The following TBC1D1 variants were observed in gnomAD, a reference collection of about 807,000 sequenced individuals.
TBC1D1 encodes TBC1 domain family member 1, also known as TBC1 (tre-2/USP6, BUB2, cdc16) domain family, member 1.
In TBC1D1, 89 loss-of-function variants were observed where a neutral mutation model predicts 125.6. That is an observed-to-expected ratio of 0.71 (90% CI 0.60 to 0.85). The LOEUF is 0.85. Among genes scored for constraint, TBC1D1 ranks in the 40% least tolerant of loss-of-function variants. The pLI is 0.00. For missense variants in TBC1D1, 1,377 were observed against 1,469.2 expected, an observed-to-expected ratio of 0.94 and a Z score of 1.03; for synonymous variants, 565 against 564.1, an observed-to-expected ratio of 1.00 and a Z score of -0.02.
rs1728909411 is a variant in TBC1D1, at chr4:37,956,228, AG to A, written c.417+53718del. ...AGCGGGGGTTCTCCCTGTGTTGCCCAGGCTGGTCTCGAACTCCTGGACTTCA... is the reference window on the plus strand; with the variant it reads ...AGCGGGGGTTCTCCCTGTGTTGCCCAGCTGGTCTCGAACTCCTGGACTTCA... On this transcript the variant is annotated intron_variant, in intron 2 of 19. Transcript: ENST00000261439. Among the ~76,000 whole-genome samples, 4 of 152,136 alleles carry A rather than the reference AG, an allele frequency of 2.6e-5. No homozygotes were observed. The South Asian group carries it at 8.3e-4, about 32-fold the overall frequency.
intron 15 of TBC1D1, among the ~76,000 whole-genome samples, chr4:38,114,338 A>G (rs769487679): frequency 6.6e-6 from 1 of 152,216 alleles, no homozygotes; most frequent in Non-Finnish European, 1.5e-5. Flanking sequence ...AGAAATCAGG[A>G]CAGTGGTTAG....
At chr4:37,974,706 T>C (rs993432077) in intron 2 of TBC1D1, among the ~76,000 whole-genome samples, 1 of 152,098 alleles carries the variant, frequency 6.6e-6, no homozygotes, top group East Asian at 1.9e-4. Context: ...TACAGGCGCA[T>C]GCCATCACGC....
At chr4:37,972,179 A>G (rs1427869332) in intron 2 of TBC1D1, among the ~76,000 whole-genome samples, 1 of 152,090 alleles carries the variant, frequency 6.6e-6, no homozygotes, top group African/African-American at 2.4e-5. Context: ...CACCTTGGAG[A>G]TGTTAAAAAT....
At chr4:38,037,671 A>C (rs1053005706) in intron 8 of TBC1D1, among the ~76,000 whole-genome samples, 1 of 152,250 alleles carries the variant, frequency 6.6e-6, no homozygotes, top group Non-Finnish European at 1.5e-5. Flanking sequence ...TGGTAGGATC[A>C]TGGCTTTGAC....
intron 1 of TBC1D1, among the ~76,000 whole-genome samples, chr4:37,896,298 A>G (rs1453842459): frequency 1.3e-5 from 2 of 152,124 alleles, no homozygotes; most frequent in African/African-American, 4.8e-5. Flanking sequence ...TAAAGTCCCC[A>G]TCCTGCTCTC....
intron 14 of TBC1D1, among the ~76,000 whole-genome samples, chr4:38,102,218 A>G (rs762503521): frequency 1.3e-4 from 20 of 151,324 alleles, no homozygotes; most frequent in Non-Finnish European, 2.1e-4. Flanking sequence ...CGTTGTGCAC[A>G]TGTACCCTAA....
At chr4:37,965,806 A>G (rs1194390294) in intron 2 of TBC1D1, among the ~76,000 whole-genome samples, 4 of 152,100 alleles carry the variant, frequency 2.6e-5, no homozygotes, top group Non-Finnish European at 4.4e-5. Flanking sequence ...GCTGGAGTAC[A>G]GTGGCACAAT....
At position 38,054,291 on chromosome 4, in the gene TBC1D1, G is replaced by A; in HGVS notation, c.2003G>A (p.Arg668Gln). Residue 668 changes from arginine (R) to glutamine (Q), a missense_variant, in exon 12 of 20, where the codon CGA (arginine) becomes CAA (glutamine). Coordinates refer to ENST00000261439, the MANE Select transcript of TBC1D1 (RefSeq NM_015173.4). ...TCCTGGAGGCAGCAGATATTCCTCC[G>A]AGTAGCCACCCCGCAGAAGGCGTGC... 1.2e-6 allele frequency: 2 copies of A among 1,614,146 alleles called. No individual in the cohort carries two copies. Among genetic ancestry groups the A allele is most frequent in the Non-Finnish European group, 1.7e-6 (2 of 1,180,012 alleles).
At chr4:38,114,252 G>A (rs1762607892) in intron 15 of TBC1D1, among the ~76,000 whole-genome samples, 1 of 152,206 alleles carries the variant, frequency 6.6e-6, no homozygotes, top group Non-Finnish European at 1.5e-5. Flanking sequence ...TAGCAGCAAG[G>A]TGACTTGTGC....
intron 11 of TBC1D1, among the ~76,000 whole-genome samples, chr4:38,050,558 T>G (rs1207450571): frequency 6.6e-6 from 1 of 152,222 alleles, no homozygotes; most frequent in Non-Finnish European, 1.5e-5. Flanking sequence ...CAAGTGTCCC[T>G]TAGTGATTCA....
intron 2 of TBC1D1, among the ~76,000 whole-genome samples, chr4:37,929,774 G>A (rs967675679): frequency 1.2e-4 from 19 of 152,114 alleles, no homozygotes; most frequent in Admixed American, 1.3e-4. Context: ...CCTCCCTAAC[G>A]TGAACTATGT....
chr4:37,920,887 G>C (rs1270323519), intron 2 of TBC1D1, among the ~76,000 whole-genome samples: 1 of 152,056 alleles, frequency 6.6e-6, no homozygotes, highest in Non-Finnish European at 1.5e-5. Flanking sequence ...GAGGCGGGCC[G>C]ATCACGAGGC....
chr4:38,068,520 G>A (rs28696252), intron 12 of TBC1D1, among the ~76,000 whole-genome samples: 6,537 of 152,164 alleles, frequency 0.043, 464 homozygotes, highest in African/African-American at 0.15. Context: ...CAGCCTCTCT[G>A]TGCCTGATGT....
intron 6 of TBC1D1, among the ~76,000 whole-genome samples, chr4:38,024,768 G>A (rs933821): frequency 0.13 from 19,789 of 152,200 alleles, 1,693 homozygotes; most frequent in East Asian, 0.35. Context: ...ATTGTATGTT[G>A]GTGTAAAAGT....
intron 14 of TBC1D1, among the ~76,000 whole-genome samples, chr4:38,099,579 C>CTTTCTTCTTTTTT (rs1759945443): frequency 6.6e-6 from 1 of 152,178 alleles, no homozygotes; most frequent in East Asian, 1.9e-4. Context: ...CTTCTTTATA[C>CTTTCTTCTTTTTT]CTCTTGCATT....
At chr4:38,106,029 C>T (rs1376098922) in intron 15 of TBC1D1, among the ~76,000 whole-genome samples, 1 of 152,222 alleles carries the variant, frequency 6.6e-6, no homozygotes, top group Non-Finnish European at 1.5e-5. Context: ...CCTCCCCCGC[C>T]TGTCCTTAGT....
At chr4:38,102,910 G>T in intron 14 of TBC1D1, 89 bp from the exon 17 acceptor site, 4 of 1,379,362 alleles carry the variant, frequency 2.9e-6, no homozygotes, top group Non-Finnish European at 3.9e-6. Flanking sequence ...CAAGAATTTG[G>T]ATAAATGGAA....
intron 1 of TBC1D1, among the ~76,000 whole-genome samples, chr4:37,895,553 G>A (rs114810480): frequency 0.017 from 2,534 of 152,146 alleles, 76 homozygotes; most frequent in African/African-American, 0.058. Context: ...AAAATACAAA[G>A]ATCAGCCGGG....
At chr4:37,994,909 A>G (rs551847774) in intron 2 of TBC1D1, among the ~76,000 whole-genome samples, 1 of 152,062 alleles carries the variant, frequency 6.6e-6, no homozygotes, top group East Asian at 1.9e-4. Context: ...GCAAGCTGGG[A>G]CTAACTCCAT....
Sources: gnomAD v4.1 joint callset for allele counts (sites outside exome capture counted in the v4.1 genomes callset) on GRCh38, gnomAD v4.1.1 for gene constraint, MANE v1.5 for transcripts, NCBI Gene and HGNC (gene_info 2026-07-23, HGNC 2026-07-21) for gene names.